RAB39A: variants seen among roughly 807,000 people sequenced by gnomAD.
The protein encoded by RAB39A is RAB39A, member RAS oncogene family.
RAB39A carries 17 observed loss-of-function variants against 20.9 expected under a neutral mutation model. That is an observed-to-expected ratio of 0.81 (90% CI 0.56 to 1.22). The LOEUF is 1.22. Ranked by LOEUF, RAB39A falls within the 50% of genes most tolerant of loss-of-function variation. The pLI is 0.00. For synonymous variants in RAB39A, 99 were observed against 103.4 expected (o/e 0.96, Z 0.26); for missense variants, 234 against 270.5 (o/e 0.87, Z 0.95).
intron 1 of RAB39A, among the ~76,000 whole-genome samples, chr11:107,960,224 A>C (rs1003263098): frequency 6.6e-6 from 1 of 152,142 alleles, no homozygotes; most frequent in Non-Finnish European, 1.5e-5. Context: ...AAAAAAAAAA[A>C]AATCCAATAT....
chr11:107,957,236 A>G (rs1363935620), intron 1 of RAB39A, among the ~76,000 whole-genome samples: 1 of 152,268 alleles, frequency 6.6e-6, no homozygotes, highest in African/African-American at 2.4e-5. Flanking sequence ...AAAGAAAAAC[A>G]AAGTGCTAAA....
chr11:107,956,491 CAT>C (rs1238495835), intron 1 of RAB39A, among the ~76,000 whole-genome samples: 21 of 152,202 alleles, frequency 1.4e-4, no homozygotes, highest in African/African-American at 5.1e-4. Context: ...GCCTAAGAAA[CAT>C]ACTCTAGCCA....
At chr11:107,934,434 T>C (rs1247280082) in intron 1 of RAB39A, among the ~76,000 whole-genome samples, 2 of 151,764 alleles carry the variant, frequency 1.3e-5, no homozygotes, top group Non-Finnish European at 2.9e-5. Context: ...ACCCTGTCTC[T>C]AAAAAGAGGA....
chr11:107,930,005 G>A (rs1861120352), intron 1 of RAB39A, among the ~76,000 whole-genome samples: 1 of 152,162 alleles, frequency 6.6e-6, no homozygotes, highest in African/African-American at 2.4e-5. Flanking sequence ...GCATCACTGC[G>A]AATGAGATCA....
intron 1 of RAB39A, among the ~76,000 whole-genome samples, chr11:107,933,678 TC>T (rs1406478885): frequency 7.1e-6 from 1 of 140,422 alleles, no homozygotes; most frequent in East Asian, 2.1e-4. Context: ...CACCTGTGAT[TC>T]TTTTTTTTTT....
At chr11:107,961,381 C>A (rs1861493882) in intron 1 of RAB39A, among the ~76,000 whole-genome samples, 1 of 152,082 alleles carries the variant, frequency 6.6e-6, no homozygotes, top group South Asian at 2.1e-4. Flanking sequence ...GAGGGTTCCA[C>A]CCTCATGACC....
At chr11:107,931,007 G>A (rs1275405594) in intron 1 of RAB39A, among the ~76,000 whole-genome samples, 1 of 143,288 alleles carries the variant, frequency 7.0e-6, no homozygotes, top group African/African-American at 2.6e-5. Flanking sequence ...ACGGAGTTTC[G>A]CTCTTGTGGC....
At chr11:107,948,641 C>T (rs937079520) in intron 1 of RAB39A, among the ~76,000 whole-genome samples, 1 of 152,082 alleles carries the variant, frequency 6.6e-6, no homozygotes, top group Non-Finnish European at 1.5e-5. Context: ...GCTGGGACTA[C>T]ATGTTAGCCA....
At chr11:107,936,158 C>T (rs1286369015) in intron 1 of RAB39A, among the ~76,000 whole-genome samples, 1 of 152,124 alleles carries the variant, frequency 6.6e-6, no homozygotes, top group African/African-American at 2.4e-5. Flanking sequence ...CCTCGGCCTC[C>T]CAAAGTGGTG....
chr11:107,935,467 CG>C (rs201263956), intron 1 of RAB39A, among the ~76,000 whole-genome samples: 5,494 of 151,608 alleles, frequency 0.036, 118 homozygotes, highest in Middle Eastern at 0.13. Flanking sequence ...CTCCACCTCC[CG>C]GGTTCACACC....
chr11:107,933,070 C>T (rs1408596588), intron 1 of RAB39A, among the ~76,000 whole-genome samples: 1 of 151,978 alleles, frequency 6.6e-6, no homozygotes, highest in Non-Finnish European at 1.5e-5. Flanking sequence ...GTATGGAGAG[C>T]ATTAAGTGTA....
At chr11:107,953,520 G>A (rs1861403391) in intron 1 of RAB39A, among the ~76,000 whole-genome samples, 1 of 152,104 alleles carries the variant, frequency 6.6e-6, no homozygotes, top group South Asian at 2.1e-4. Context: ...CTCACCCCCT[G>A]CCATAAGAAG....
chr11:107,958,437 C>T (rs971191640), intron 1 of RAB39A, among the ~76,000 whole-genome samples: 2 of 152,156 alleles, frequency 1.3e-5, no homozygotes, highest in Admixed American at 6.5e-5. Context: ...CCCTCAACAC[C>T]TCTGTAAGAC....
chr11:107,946,323 TATACACACACACACACACAC>T (rs1565464096), intron 1 of RAB39A, among the ~76,000 whole-genome samples: 2 of 124,676 alleles, frequency 1.6e-5, no homozygotes, highest in Admixed American at 8.1e-5. Context: ...TATATATATA[TATACACACACACACACACAC>T]ATATATATAC....
chr11:107,939,647 G>A (rs1358874366), intron 1 of RAB39A, among the ~76,000 whole-genome samples: 1 of 151,054 alleles, frequency 6.6e-6, no homozygotes, highest in African/African-American at 2.4e-5. Flanking sequence ...GGAAAAGAAC[G>A]TAATGAGAGA....
At chr11:107,957,507 C>G (rs1337178103) in intron 1 of RAB39A, among the ~76,000 whole-genome samples, 2 of 152,224 alleles carry the variant, frequency 1.3e-5, no homozygotes, top group Non-Finnish European at 2.9e-5. Context: ...GACTGCTCCT[C>G]TGGCAATGGG....
chr11:107,930,916 T>C (rs1861129243), intron 1 of RAB39A, among the ~76,000 whole-genome samples: 1 of 151,942 alleles, frequency 6.6e-6, no homozygotes, highest in African/African-American at 2.4e-5. Flanking sequence ...AAATGATAAT[T>C]AATTTGTTAG....
At chr11:107,947,981 TACACACACAC>T (rs58579239) in intron 1 of RAB39A, among the ~76,000 whole-genome samples, 4 of 148,668 alleles carry the variant, frequency 2.7e-5, no homozygotes, top group South Asian at 2.2e-4. Flanking sequence ...TACACACACG[TACACACACAC>T]ACACACACAC....
chr11:107,943,017 A>G (rs1861274721), intron 1 of RAB39A, among the ~76,000 whole-genome samples: 1 of 152,198 alleles, frequency 6.6e-6, no homozygotes, highest in South Asian at 2.1e-4. Context: ...GCAAACACCT[A>G]TGGCATCAGT....
Sources: gnomAD v4.1 joint callset for allele counts (sites outside exome capture counted in the v4.1 genomes callset) on GRCh38, gnomAD v4.1.1 for gene constraint, MANE v1.5 for transcripts, NCBI Gene and HGNC (gene_info 2026-07-23, HGNC 2026-07-21) for gene names.